The following SNX24 variants were observed in gnomAD, a reference collection of about 807,000 sequenced individuals.
The protein encoded by SNX24 is sorting nexin 24.
SNX24 carries 22 observed loss-of-function variants against 28.7 expected under a neutral mutation model. The ratio of observed to expected loss-of-function variants is 0.77; its 90% CI spans 0.55 to 1.10. The LOEUF (loss-of-function observed/expected upper bound fraction) is 1.10, where lower values mean the gene tolerates loss of function less well. Ranked by LOEUF, SNX24 falls within the 50% of genes least tolerant of loss-of-function variation. The pLI, the probability that SNX24 is intolerant of heterozygous loss-of-function variation, is 0.00. For missense variants in SNX24, 221 were observed against 201.1 expected (o/e 1.10, Z -0.60); for synonymous variants, 69 against 71.5 (o/e 0.96, Z 0.18).
At position 122,999,891 on chromosome 5, in the gene SNX24, T is replaced by G. The variant is rs375747398; in HGVS notation, c.250-21T>G. On this transcript the variant is annotated intron_variant, in intron 3 of 6. Transcript: ENST00000261369. The stretch of plus-strand genomic sequence containing the variant: ...TAGCAAACTTCACTTCAGTTTCGAA[T>G]TCTGTTTTCTGCTTTCACAGGCTGT... 6.1e-6 allele frequency: 9 copies of G among 1,483,654 alleles called. No homozygotes were observed. In the African/African-American group the frequency reaches 1.1e-4, roughly 18 times the overall value. The allele number at this position is 1,483,654 out of a possible 1,614,324, so 91.9% of individuals were successfully genotyped here. A position where few individuals can be genotyped will look rare whatever the true frequency, so the allele number is the denominator to read the frequency against.
intron 1 of SNX24, among the ~76,000 whole-genome samples, chr5:122,928,769 C>G (rs1758819008): frequency 6.6e-6 from 1 of 151,750 alleles, no homozygotes; most frequent in Non-Finnish European, 1.5e-5. Flanking sequence ...GACTTCTGAT[C>G]TGTAGTACTG....
intron 1 of SNX24, among the ~76,000 whole-genome samples, chr5:122,880,005 C>A (rs1170665184): frequency 6.6e-6 from 1 of 151,680 alleles, no homozygotes; most frequent in East Asian, 1.9e-4. Context: ...TAGATTTTTT[C>A]AAAAAAATGT....
At chr5:122,917,370 C>G (rs1475366960) in intron 1 of SNX24, among the ~76,000 whole-genome samples, 6 of 152,148 alleles carry the variant, frequency 3.9e-5, no homozygotes, top group African/African-American at 1.4e-4. Flanking sequence ...GGAAAATACT[C>G]TATCTCATTT....
intron 3 of SNX24, among the ~76,000 whole-genome samples, chr5:122,964,239 C>G (rs1407960203): frequency 8.2e-6 from 1 of 122,080 alleles, no homozygotes; most frequent in Admixed American, 8.6e-5. Context: ...AAGAACAAGA[C>G]TCCATCTCAA....
chr5:122,871,629 G>A (rs565165439), intron 1 of SNX24, among the ~76,000 whole-genome samples: 1 of 152,224 alleles, frequency 6.6e-6, no homozygotes, highest in African/African-American at 2.4e-5. Flanking sequence ...AATTAGCCGG[G>A]TGTGGTGACA....
chr5:122,930,659 T>C (rs1758910669), intron 1 of SNX24, among the ~76,000 whole-genome samples: 1 of 152,226 alleles, frequency 6.6e-6, no homozygotes, highest in African/African-American at 2.4e-5. Context: ...TTTTTGCTCT[T>C]GTTCTAATTT....
chr5:122,920,198 G>C (rs181914557), intron 1 of SNX24, among the ~76,000 whole-genome samples: 11 of 152,316 alleles, frequency 7.2e-5, no homozygotes, highest in African/African-American at 2.4e-4. Flanking sequence ...AGGGCATGTG[G>C]TGAAGCCTTT....
At chr5:123,001,746 A>G (rs992501159) in intron 5 of SNX24, among the ~76,000 whole-genome samples, 194 bp from the exon 6 acceptor site, 1 of 152,188 alleles carries the variant, frequency 6.6e-6, no homozygotes, top group African/African-American at 2.4e-5. Flanking sequence ...AAATTCCACA[A>G]AGAAATGTTT....
intron 3 of SNX24, among the ~76,000 whole-genome samples, chr5:122,962,718 G>A (rs1055920562): frequency 6.6e-6 from 1 of 152,224 alleles, no homozygotes; most frequent in Non-Finnish European, 1.5e-5. Context: ...ATTTGTGTGA[G>A]AGAAGGGAAT....
intron 1 of SNX24, among the ~76,000 whole-genome samples, chr5:122,887,251 ATTAC>A (rs1756760473): frequency 6.6e-6 from 1 of 152,208 alleles, no homozygotes; most frequent in Admixed American, 6.5e-5. Flanking sequence ...CTTTGAATAT[ATTAC>A]TTGATTATTT....
chr5:122,876,987 C>T (rs970012415), intron 1 of SNX24, among the ~76,000 whole-genome samples: 4 of 152,182 alleles, frequency 2.6e-5, no homozygotes, highest in African/African-American at 9.7e-5. Flanking sequence ...ATTTTGGATA[C>T]ATGGGGCAGA....
At position 123,007,885 on chromosome 5, in the gene SNX24, T is replaced by C; in HGVS notation, c.*136T>C. On this transcript the variant is annotated 3_prime_UTR_variant, in exon 7 of 7. Coordinates refer to ENST00000261369, the MANE Select transcript of SNX24 (RefSeq NM_014035.4). Reference sequence around the variant, plus strand: ...GGTAAAGTGCACAGTCCCAGCTTAATTCAGGGCAGGGACATTTCCATTAGA... The same window carrying C: ...GGTAAAGTGCACAGTCCCAGCTTAACTCAGGGCAGGGACATTTCCATTAGA... The C allele has an allele frequency of 6.8e-7, 1 of 1,472,992 alleles. No homozygotes were observed. The highest frequency in any genetic ancestry group is 9.0e-7 in the Non-Finnish European group (1 of 1,113,446). The allele number at this position is 1,472,992 out of a possible 1,614,324, so 91.2% of individuals were successfully genotyped here. A position where few individuals can be genotyped will look rare whatever the true frequency, so the allele number is the denominator to read the frequency against.
chr5:122,860,297 C>G (rs1178119378), intron 1 of SNX24, among the ~76,000 whole-genome samples: 1 of 148,428 alleles, frequency 6.7e-6, no homozygotes, highest in South Asian at 2.2e-4. Context: ...ACTCCCAGAC[C>G]GCTTAGATAG....
rs1017895353 is a variant in SNX24 at position 122,911,287 on chromosome 5, A to C, written c.61-25447A>C. Among the ~76,000 whole-genome samples the C allele has an allele frequency of 1.0e-3, 155 of 152,210 alleles. 2 individuals carry two copies. The highest frequency in any genetic ancestry group is 1.8e-3 in the Non-Finnish European group (125 of 68,006). On this transcript the variant is annotated intron_variant, in intron 1 of 6. Transcript: ENST00000261369. ...GTCTTCTTTTGAGATGTGTCTGTTCATATCCTTTGCCCACTTTTTGATGGG... is the reference window on the plus strand; with the variant it reads ...GTCTTCTTTTGAGATGTGTCTGTTCCTATCCTTTGCCCACTTTTTGATGGG...
At chr5:122,964,933 A>AT (rs1760656196) in intron 3 of SNX24, among the ~76,000 whole-genome samples, 1 of 152,064 alleles carries the variant, frequency 6.6e-6, no homozygotes, top group Non-Finnish European at 1.5e-5. Flanking sequence ...CTGCTATTGA[A>AT]TTTTTTAGGT....
intron 1 of SNX24, among the ~76,000 whole-genome samples, chr5:122,867,801 T>G (rs1424728149): frequency 2.0e-5 from 3 of 152,234 alleles, no homozygotes; most frequent in Admixed American, 2.0e-4. Context: ...CATTTACTGT[T>G]TAGAGAGGTC....
chr5:122,923,665 C>A (rs1484210812), intron 1 of SNX24, among the ~76,000 whole-genome samples: 1 of 152,170 alleles, frequency 6.6e-6, no homozygotes, highest in Non-Finnish European at 1.5e-5. Context: ...TTGAAGCTGG[C>A]AGATGCTGTT....
chr5:122,883,290 A>G (rs1756560676), intron 1 of SNX24, among the ~76,000 whole-genome samples: 1 of 152,210 alleles, frequency 6.6e-6, no homozygotes, highest in Admixed American at 6.5e-5. Flanking sequence ...TGGCACTTCT[A>G]CTAAAGCCAA....
chr5:122,845,693 G>A lies in SNX24; in HGVS notation c.60G>A (p.Thr20=). 7.1e-7 allele frequency: 1 copy of A among 1,400,988 alleles called. No individual in the cohort carries two copies. 86.8% of individuals were successfully genotyped at this position (1,400,988 alleles called of 1,614,324 possible). A position where few individuals can be genotyped will look rare whatever the true frequency, so the allele number is the denominator to read the frequency against. ...AGAGCGACCTGGAGCGGGGATACAC[G>A]GTAGGCGCGGGCCGCGGGCGGACAG... ...YEESDLERGY[T]VFKIEVLMNG... The change falls in exon 1 of 7, where the codon ACG becomes ACA. Residue 20 remains threonine (T), a splice_region_variant and synonymous_variant. Transcript: ENST00000261369.
Sources: allele counts gnomAD v4.1 joint callset (sites outside exome capture counted in the v4.1 genomes callset), GRCh38; gene constraint gnomAD v4.1.1; transcripts MANE v1.5; gene names NCBI Gene and HGNC (gene_info 2026-07-23, HGNC 2026-07-21).